GPRIN2: variants seen among roughly 807,000 people sequenced by gnomAD.
GPRIN2 encodes the protein G protein-regulated inducer of neurite outgrowth 2.
GPRIN2 carries 1 observed loss-of-function variant against 0.3 expected under a neutral mutation model. The ratio of observed to expected loss-of-function variants is 3.90; its 90% CI spans 1.39 to 18.51. The LOEUF is 18.51. GPRIN2 is among the 30% of genes most tolerant of loss of function. GPRIN2 has a pLI of 0.11. For synonymous variants in GPRIN2, 361 were observed against 258.6 expected, an observed-to-expected ratio of 1.40 and a Z score of -3.80; for missense variants, 880 against 604.2, an observed-to-expected ratio of 1.46 and a Z score of -4.79.
At chr10:46,557,063 C>T (rs1206301409), upstream of GPRIN2, among the ~76,000 whole-genome samples, 5 of 151,590 alleles carry the variant, frequency 3.3e-5, no homozygotes, top group Admixed American at 6.6e-5. Context: ...GCACCACGCC[C>T]CGCATTGAGG....
At position 46,546,755 on chromosome 10, in the gene GPRIN2, G is replaced by A. The variant is rs1174585892; in HGVS notation, c.*2605C>T. On this transcript the variant is annotated 3_prime_UTR_variant, in exon 3 of 3. Coordinates refer to ENST00000374314, the MANE Select transcript of GPRIN2 (RefSeq NM_001385282.1). ...CAGAAATGAGGCTGCAGTCACTTCA[G>A]GTAGACCTGTCAGCAGCAGCTGTGC... Among the ~76,000 whole-genome samples the A allele has an allele frequency of 6.6e-6, 1 of 152,312 alleles. No homozygotes were observed. Among genetic ancestry groups the A allele is most frequent in the Non-Finnish European group, 1.5e-5 (1 of 68,058 alleles).
chr10:46,545,901 C>A lies in GPRIN2; in HGVS notation c.*3459G>T, dbSNP rs1464043758. ...TCAAGGCTTGTAACTTGCCCAAGAT[C>A]ACATGGCTATAGGTGTGGATCCTAT... On this transcript the variant is annotated 3_prime_UTR_variant, in exon 3 of 3. Coordinates refer to ENST00000374314, the MANE Select transcript of GPRIN2 (RefSeq NM_001385282.1). 6.6e-6 allele frequency among the ~76,000 whole-genome samples: 1 copy of A among 152,312 alleles called. No individual in the cohort carries two copies. The highest frequency in any genetic ancestry group is 2.1e-4 in the South Asian group (1 of 4,838).
chr10:46,551,653 C>T (rs887676408), intron 2 of GPRIN2, among the ~76,000 whole-genome samples: 2 of 152,312 alleles, frequency 1.3e-5, no homozygotes, highest in African/African-American at 4.8e-5. Flanking sequence ...CATTTAATCC[C>T]CTCTTGCCCA....
At chr10:46,551,971 C>T (rs918779948) in intron 2 of GPRIN2, among the ~76,000 whole-genome samples, 17 of 152,296 alleles carry the variant, frequency 1.1e-4, no homozygotes, top group South Asian at 2.1e-4. Context: ...CCTGATGTGT[C>T]GTCGGCACTC....
rs1842389763 is a variant in GPRIN2, at chr10:46,548,694, C to T, written c.*666G>A. ...GAGTATGAGCTCAGTAAATTCTCCT[C>T]ATACATGACTGCACTGACTGGACCG... On this transcript the variant is annotated 3_prime_UTR_variant, in exon 3 of 3. Coordinates refer to ENST00000374314, the MANE Select transcript of GPRIN2 (RefSeq NM_001385282.1). Among the ~76,000 whole-genome samples the T allele has an allele frequency of 6.6e-6, 1 of 152,312 alleles. No individual in the cohort carries two copies. Among genetic ancestry groups the T allele is most frequent in the South Asian group, 2.1e-4 (1 of 4,838 alleles).
rs1842256710 is a variant in GPRIN2 at position 46,547,345 on chromosome 10, G to A, written c.*2015C>T. On this transcript the variant is annotated 3_prime_UTR_variant, in exon 3 of 3. Transcript: ENST00000374314. ...AATGGATATTTCTAAACTGAAATCT[G>A]GTCCCACCTCAGAACCCCTTCCACA... 6.6e-6 allele frequency among the ~76,000 whole-genome samples: 1 copy of A among 152,306 alleles called. No individual in the cohort carries two copies. The highest frequency in any genetic ancestry group is 2.4e-5 in the African/African-American group (1 of 41,486).
At position 46,547,031 on chromosome 10, in the gene GPRIN2, C is replaced by T. The variant is rs1210694836; in HGVS notation, c.*2329G>A. 6.6e-6 allele frequency among the ~76,000 whole-genome samples: 1 copy of T among 152,304 alleles called. No homozygotes were observed. Among genetic ancestry groups the T allele is most frequent in the Non-Finnish European group, 1.5e-5 (1 of 68,054 alleles). On this transcript the variant is annotated 3_prime_UTR_variant, in exon 3 of 3. Transcript: ENST00000374314. The stretch of plus-strand genomic sequence containing the variant: ...CTGCACGTGACACAGAAGAAAGTCT[C>T]TTCATGAAGTAGGTTTCACTGGTCC...
Position 46,550,530 on chromosome 10 carries a change from A to C in GPRIN2, c.207T>G (p.Pro69=). The C allele has an allele frequency of 6.3e-7, 1 of 1,595,628 alleles. No homozygotes were observed. The highest frequency in any genetic ancestry group is 2.2e-5 in the East Asian group (1 of 44,548). The stretch of plus-strand genomic sequence containing the variant: ...AGGCCCGTGCTGGCTTCATGCTCTC[A>C]GGCGGGTTCCCCTCTTCCTCCGGGG... ...PQAPEEEGNP[P]ESMKPARASG... Residue 69 remains proline (P), a synonymous_variant, in exon 3 of 3, where the codon CCT becomes CCG. Transcript: ENST00000374314.
At position 46,544,052 on chromosome 10, in the gene GPRIN2, C is replaced by T. The variant is rs1841947482; in HGVS notation, c.*5308G>A. ...CACAGCAACAGAACTGGCCCCATGTCTCTCAATCAGGGAGGTCCCCAGCCA... is the reference window on the plus strand; with the variant it reads ...CACAGCAACAGAACTGGCCCCATGTTTCTCAATCAGGGAGGTCCCCAGCCA... On this transcript the variant is annotated 3_prime_UTR_variant, in exon 3 of 3. Coordinates refer to ENST00000374314, the MANE Select transcript of GPRIN2 (RefSeq NM_001385282.1). 6.6e-6 allele frequency among the ~76,000 whole-genome samples: 1 copy of T among 152,290 alleles called. No individual in the cohort carries two copies. The highest frequency in any genetic ancestry group is 2.1e-4 in the South Asian group (1 of 4,834).
rs1280057565 is a variant in GPRIN2, at chr10:46,547,348, C to T, written c.*2012G>A. ...GGATATTTCTAAACTGAAATCTGGT[C>T]CCACCTCAGAACCCCTTCCACAGTT... On this transcript the variant is annotated 3_prime_UTR_variant, in exon 3 of 3. Transcript: ENST00000374314. Among the ~76,000 whole-genome samples, 4 of 152,426 alleles carry T rather than the reference C, an allele frequency of 2.6e-5. No homozygotes were observed. Among genetic ancestry groups the T allele is most frequent in the African/African-American group, 9.6e-5 (4 of 41,608 alleles).
rs1841863523 is a variant in GPRIN2, at chr10:46,542,875, G to C, written c.*6485C>G. The stretch of plus-strand genomic sequence containing the variant: ...AAGATTCTGAAAACATGGATGAGGA[G>C]ATGGCCTGCCTAAAGCCAGCAGATG... On this transcript the variant is annotated 3_prime_UTR_variant, in exon 3 of 3. Transcript: ENST00000374314. Among the ~76,000 whole-genome samples the C allele has an allele frequency of 6.6e-6, 1 of 152,310 alleles. No individual in the cohort carries two copies. The highest frequency in any genetic ancestry group is 2.1e-4 in the South Asian group (1 of 4,838).
At position 46,548,669 on chromosome 10, in the gene GPRIN2, G is replaced by A. The variant is rs561425282; in HGVS notation, c.*691C>T. 6.6e-6 allele frequency among the ~76,000 whole-genome samples: 1 copy of A among 152,306 alleles called. No homozygotes were observed. Among genetic ancestry groups the A allele is most frequent in the South Asian group, 2.1e-4 (1 of 4,838 alleles). On this transcript the variant is annotated 3_prime_UTR_variant, in exon 3 of 3. Coordinates refer to ENST00000374314, the MANE Select transcript of GPRIN2 (RefSeq NM_001385282.1). ...CACAGAATCCACAGAACCCAGCACA[G>A]AGTATGAGCTCAGTAAATTCTCCTC...
In GPRIN2 at chr10:46,543,588, G is replaced by A. The variant is rs1841909997; in HGVS notation, c.*5772C>T. ...TTTCTCAGGAAAGCTGCAGGGAAAT[G>A]AAAAGCTCCAGGCAGGACAGACTGG... On this transcript the variant is annotated 3_prime_UTR_variant, in exon 3 of 3. Coordinates refer to ENST00000374314, the MANE Select transcript of GPRIN2 (RefSeq NM_001385282.1). 6.6e-6 allele frequency among the ~76,000 whole-genome samples: 1 copy of A among 152,310 alleles called. No individual in the cohort carries two copies. Among genetic ancestry groups the A allele is most frequent in the Admixed American group, 6.5e-5 (1 of 15,294 alleles).
At chr10:46,553,430 G>A (rs1420117245) in intron 2 of GPRIN2, among the ~76,000 whole-genome samples, 3 of 152,304 alleles carry the variant, frequency 2.0e-5, no homozygotes, top group Non-Finnish European at 4.4e-5. Context: ...CTCAGTTGCA[G>A]GTCCAAGACC....
chr10:46,547,695 T>G lies in GPRIN2; in HGVS notation c.*1665A>C, dbSNP rs1842291764. Reference sequence around the variant, plus strand: ...CAGGCTGGGGTTCCTGGAGACTCCATGGGGAGCCAGGCATGAAGATGGCAT... The same window carrying G: ...CAGGCTGGGGTTCCTGGAGACTCCAGGGGGAGCCAGGCATGAAGATGGCAT... On this transcript the variant is annotated 3_prime_UTR_variant, in exon 3 of 3. Coordinates refer to ENST00000374314, the MANE Select transcript of GPRIN2 (RefSeq NM_001385282.1). Among the ~76,000 whole-genome samples the G allele has an allele frequency of 6.6e-6, 1 of 152,306 alleles. No individual in the cohort carries two copies. The highest frequency in any genetic ancestry group is 2.4e-5 in the African/African-American group (1 of 41,488).
chr10:46,547,710 G>A lies in GPRIN2; in HGVS notation c.*1650C>T, dbSNP rs1842293489. ...GGAGACTCCATGGGGAGCCAGGCAT[G>A]AAGATGGCATATACCCATGTGTCAC... is the stretch of plus-strand genomic sequence containing the variant. On this transcript the variant is annotated 3_prime_UTR_variant, in exon 3 of 3. Transcript: ENST00000374314. Among the ~76,000 whole-genome samples, 1 of 152,312 alleles carries A rather than the reference G, an allele frequency of 6.6e-6. No homozygotes were observed. The highest frequency in any genetic ancestry group is 1.5e-5 in the Non-Finnish European group (1 of 68,058).
rs1439503635 is a variant in GPRIN2 at position 46,544,250 on chromosome 10, G to T, written c.*5110C>A. On this transcript the variant is annotated 3_prime_UTR_variant, in exon 3 of 3. Coordinates refer to ENST00000374314, the MANE Select transcript of GPRIN2 (RefSeq NM_001385282.1). ...GAAACAGCCTTTCATAATACAAGAT[G>T]GACAGGAAAGAGGCCAAGGGCAGGC... 6.6e-6 allele frequency among the ~76,000 whole-genome samples: 1 copy of T among 152,300 alleles called. No homozygotes were observed. The highest frequency in any genetic ancestry group is 2.4e-5 in the African/African-American group (1 of 41,486).
intron 2 of GPRIN2, among the ~76,000 whole-genome samples, chr10:46,553,777 A>G (rs1389633712): frequency 6.6e-6 from 1 of 152,308 alleles, no homozygotes; most frequent in Non-Finnish European, 1.5e-5. Context: ...ATGTCAAAGA[A>G]CACACAGCTG....
In GPRIN2 at chr10:46,550,385, G is replaced by T. The variant is rs1266438554; in HGVS notation, c.352C>A (p.Gln118Lys). 1 of 1,612,132 alleles carries T rather than the reference G, an allele frequency of 6.2e-7. No homozygotes were observed. The highest frequency in any genetic ancestry group is 1.3e-5 in the African/African-American group (1 of 74,962). ...CGGACCAGGTCTGAATGGCTCCTCT[G>T]CATAGCAGCAGCACTAGGGGCCCGC... The part of the protein sequence containing the change: ...RLRAPSAAAM[Q>K]RSHSDLVRST... The change falls in exon 3 of 3, where the codon CAG (glutamine) becomes AAG (lysine). Residue 118 changes from glutamine to lysine, a missense_variant. Gln to Lys is a moderately conservative substitution (Grantham distance 53). Transcript: ENST00000374314.
Sources: gnomAD v4.1 joint callset for allele counts (sites outside exome capture counted in the v4.1 genomes callset) on GRCh38, gnomAD v4.1.1 for gene constraint, MANE v1.5 for transcripts, NCBI Gene and HGNC (gene_info 2026-07-23, HGNC 2026-07-21) for gene names.